The following SLC44A1 variants were observed in gnomAD, a reference collection of about 807,000 sequenced individuals.
The protein encoded by SLC44A1 is choline transporter-like protein 1.
Under a neutral mutation model 79.3 loss-of-function variants are expected in SLC44A1, and 26 were observed. The ratio of observed to expected loss-of-function variants is 0.33; its 90% CI spans 0.24 to 0.46. The LOEUF is 0.46. SLC44A1 is among the 20% of genes least tolerant of loss of function. SLC44A1 has a pLI of 1.00. For synonymous variants in SLC44A1, 263 were observed against 286.2 expected (o/e 0.92, Z 0.82); for missense variants, 688 against 798.1 (o/e 0.86, Z 1.66).
intron 15 of SLC44A1, among the ~76,000 whole-genome samples, chr9:105,425,621 G>A (rs1337221582): frequency 1.3e-5 from 2 of 152,114 alleles, no homozygotes; most frequent in African/African-American, 4.8e-5. Flanking sequence ...TCAGGAGTTC[G>A]AAACCAACCT....
intron 1 of SLC44A1, chr9:105,294,682 T>C (rs1830678170): frequency 6.6e-6 from 1 of 152,090 alleles, no homozygotes; most frequent in African/African-American, 2.4e-5. Flanking sequence ...CTTGGGATTC[T>C]CTGAACTTCT....
chr9:105,435,167 A>AC (rs545283027), intron 15 of SLC44A1, among the ~76,000 whole-genome samples: 25 of 152,192 alleles, frequency 1.6e-4, no homozygotes, highest in Admixed American at 4.6e-4. Context: ...ACAAAACAAA[A>AC]AAAAAAAAGG....
intron 1 of SLC44A1, among the ~76,000 whole-genome samples, chr9:105,297,817 T>C (rs138669664): frequency 2.6e-5 from 4 of 152,286 alleles, no homozygotes; most frequent in African/African-American, 9.6e-5. Flanking sequence ...ACCAGAGGGC[T>C]CCCTTATCTC....
intron 15 of SLC44A1, among the ~76,000 whole-genome samples, chr9:105,413,333 A>G (rs1829121918): frequency 6.6e-6 from 1 of 152,176 alleles, no homozygotes; most frequent in South Asian, 2.1e-4. Context: ...GTCGTATGAC[A>G]TAGTTCTGCC....
chr9:105,274,791 C>A (rs1830162196), intron 1 of SLC44A1, among the ~76,000 whole-genome samples: 1 of 152,100 alleles, frequency 6.6e-6, no homozygotes, highest in South Asian at 2.1e-4. Context: ...ACAACTGTTA[C>A]AGGTGAGGAA....
At chr9:105,319,647 C>T (rs1826323397) in intron 3 of SLC44A1, among the ~76,000 whole-genome samples, 2 of 152,188 alleles carry the variant, frequency 1.3e-5, no homozygotes, top group South Asian at 2.1e-4. Context: ...TGGTCTACCC[C>T]AACCCTAAAA....
chr9:105,304,241 G>T (rs546130678), intron 2 of SLC44A1, among the ~76,000 whole-genome samples: 2 of 152,050 alleles, frequency 1.3e-5, no homozygotes, highest in Non-Finnish European at 2.9e-5. Context: ...ATTGTTGAGC[G>T]TGCAGAACAG....
Position 105,365,491 on chromosome 9 carries a change from G to A in SLC44A1, c.1262G>A (p.Arg421Lys), listed in dbSNP as rs1453680489. The A allele has an allele frequency of 1.9e-6, 3 of 1,611,450 alleles. No homozygotes were observed. Among genetic ancestry groups the A allele is most frequent in the South Asian group, 2.2e-5 (2 of 90,748 alleles). The change falls in exon 11 of 16, where the codon AGG becomes AAG. Residue 421 changes from arginine to lysine, a missense_variant. Transcript: ENST00000374720. ...VVTYYFTRDK[R>K]NLPFTPILAS... ...GGTCATTTTTTAAATAGGGATAAAA[G>A]GAATTTGCCATTTACACCTATTTTG...
At chr9:105,428,816 C>A (rs1449686845) in intron 15 of SLC44A1, among the ~76,000 whole-genome samples, 2 of 152,214 alleles carry the variant, frequency 1.3e-5, no homozygotes, top group African/African-American at 2.4e-5. Context: ...TCTCCTGCCT[C>A]ACCCTCTGGA....
chr9:105,300,122 C>T (rs968387394), intron 2 of SLC44A1, among the ~76,000 whole-genome samples: 2 of 152,094 alleles, frequency 1.3e-5, no homozygotes, highest in Non-Finnish European at 2.9e-5. Flanking sequence ...TCTAGTCCAT[C>T]GCCCTTATTT....
chr9:105,320,671 C>T (rs1280164593), intron 3 of SLC44A1, among the ~76,000 whole-genome samples: 1 of 152,104 alleles, frequency 6.6e-6, no homozygotes, highest in South Asian at 2.1e-4. Flanking sequence ...GCTACAGCCT[C>T]GAATTCCTGG....
chr9:105,350,959 A>C (rs553916964), intron 5 of SLC44A1, among the ~76,000 whole-genome samples: 1 of 152,208 alleles, frequency 6.6e-6, no homozygotes, highest in East Asian at 1.9e-4. Context: ...GATGATTACC[A>C]TTCCTAAAAG....
chr9:105,407,444 A>G (rs1479802969), intron 15 of SLC44A1, among the ~76,000 whole-genome samples: 1 of 152,250 alleles, frequency 6.6e-6, no homozygotes, highest in Non-Finnish European at 1.5e-5. Flanking sequence ...AGCTCACTAC[A>G]TATAAGTGAT....
At chr9:105,384,649 G>A (rs1335516036) in intron 14 of SLC44A1, among the ~76,000 whole-genome samples, 1 of 152,094 alleles carries the variant, frequency 6.6e-6, no homozygotes, top group East Asian at 1.9e-4. Context: ...CATGATTATT[G>A]TATCTCTTTT....
Position 105,394,964 on chromosome 9 carries a change from A to T in SLC44A1, c.*5908A>T. On this transcript the variant is annotated 3_prime_UTR_variant, in exon 16 of 16. Transcript: ENST00000374720. ...GTGGATTTCTTCACATCTGCACCTT[A>T]CTATTAGGTAAGGGTGCTGCATCTA... The T allele has an allele frequency of 2.0e-6, 2 of 985,356 alleles. No homozygotes were observed. Among genetic ancestry groups the T allele is most frequent in the Non-Finnish European group, 2.4e-6 (2 of 829,922 alleles). The allele number at this position is 985,356 out of a possible 1,614,324, so 61.0% of individuals were successfully genotyped here.
chr9:105,422,644 GC>G (rs1829269445), intron 15 of SLC44A1, among the ~76,000 whole-genome samples: 1 of 152,114 alleles, frequency 6.6e-6, no homozygotes, highest in South Asian at 2.1e-4. Context: ...TACCTCATAT[GC>G]TGGAGAATTG....
intron 1 of SLC44A1, among the ~76,000 whole-genome samples, chr9:105,278,601 G>A (rs111877278): frequency 0.031 from 4,732 of 151,940 alleles, 249 homozygotes; most frequent in African/African-American, 0.11. Context: ...GGCTGGTCTC[G>A]AACTCCTGAC....
At chr9:105,277,191 T>C (rs1023244047) in intron 1 of SLC44A1, among the ~76,000 whole-genome samples, 1 of 152,224 alleles carries the variant, frequency 6.6e-6, no homozygotes, top group Non-Finnish European at 1.5e-5. Flanking sequence ...GTGGAATTAC[T>C]GTTTACTGAA....
chr9:105,311,702 G>A (rs897648555), intron 3 of SLC44A1, among the ~76,000 whole-genome samples: 1 of 152,116 alleles, frequency 6.6e-6, no homozygotes, highest in African/African-American at 2.4e-5. Flanking sequence ...ATTCATGTAC[G>A]CATGTTTAAA....
Sources: gnomAD v4.1 joint callset for allele counts (sites outside exome capture counted in the v4.1 genomes callset) on GRCh38, gnomAD v4.1.1 for gene constraint, MANE v1.5 for transcripts, NCBI Gene and HGNC (gene_info 2026-07-23, HGNC 2026-07-21) for gene names.